Variants in CTNNA3 observed in about 807,000 individuals in gnomAD.
The protein encoded by CTNNA3 is catenin alpha 3.
Under a neutral mutation model 95.7 loss-of-function variants are expected in CTNNA3, and 76 were observed. That is an observed-to-expected ratio of 0.79 (90% confidence interval 0.66 to 0.96). The LOEUF is 0.96. CTNNA3 is among the 40% of genes least tolerant of loss of function. The pLI, the probability that CTNNA3 is intolerant of heterozygous loss-of-function variation, is 0.00. For missense variants in CTNNA3, 1,191 were observed against 1,089.8 expected (o/e 1.09, Z -1.31); for synonymous variants, 431 against 374.4 (o/e 1.15, Z -1.74).
rs371118676 is a variant in CTNNA3 at position 66,298,748 on chromosome 10, C to G, written c.1733-18127G>C. 3.8e-4 allele frequency among the ~76,000 whole-genome samples: 58 copies of G among 152,212 alleles called. No individual in the cohort carries two copies. The South Asian group carries it at 0.012, about 31-fold the overall frequency. On this transcript the variant is annotated intron_variant, in intron 12 of 17. Transcript: ENST00000433211. ...GTCAGCCAAAAAGATTGTCTTTCCT[C>G]GGATTTTGAATCTTGAGCTAGTGAA...
chr10:67,499,204 T>A (rs1284448947), intron 5 of CTNNA3, among the ~76,000 whole-genome samples: 1 of 152,214 alleles, frequency 6.6e-6, no homozygotes, highest in Non-Finnish European at 1.5e-5. Context: ...ATGGGTTTTG[T>A]CGTTGGTTCT....
chr10:66,028,127 G>A (rs10740219), intron 15 of CTNNA3, among the ~76,000 whole-genome samples: 117,451 of 152,048 alleles, frequency 0.77, 45,694 homozygotes, highest in South Asian at 0.9. Context: ...GGAAAAATCA[G>A]TTTTTTAAAA....
At chr10:66,026,407 T>C (rs144753132) in intron 15 of CTNNA3, among the ~76,000 whole-genome samples, 61 of 152,284 alleles carry the variant, frequency 4.0e-4, no homozygotes, top group African/African-American at 1.4e-3. Context: ...CGGTTTAGTC[T>C]CGATTGTTCT....
intron 11 of CTNNA3, among the ~76,000 whole-genome samples, chr10:66,409,687 T>G (rs980243738): frequency 6.6e-6 from 1 of 152,192 alleles, no homozygotes; most frequent in African/African-American, 2.4e-5. Flanking sequence ...CTGAAATTAC[T>G]AAAGAGACAT....
chr10:66,173,608 G>C (rs951734638), intron 13 of CTNNA3, among the ~76,000 whole-genome samples: 1 of 151,894 alleles, frequency 6.6e-6, no homozygotes, highest in Non-Finnish European at 1.5e-5. Context: ...ACTTGAGCCT[G>C]GGAGGTAGAG....
intron 15 of CTNNA3, among the ~76,000 whole-genome samples, chr10:66,033,472 T>A (rs917614474): frequency 7.9e-5 from 12 of 151,892 alleles, no homozygotes; most frequent in African/African-American, 2.9e-4. Flanking sequence ...ACCTTTTTTT[T>A]AAAATGCATA....
At chr10:67,006,329 T>C (rs2133013762) in intron 7 of CTNNA3, among the ~76,000 whole-genome samples, 1 of 152,310 alleles carries the variant, frequency 6.6e-6, no homozygotes, top group African/African-American at 2.4e-5. Context: ...TTAAAGTATC[T>C]GTCTTACCAA....
At chr10:66,303,527 T>G (rs1362169828) in intron 12 of CTNNA3, among the ~76,000 whole-genome samples, 1 of 152,122 alleles carries the variant, frequency 6.6e-6, no homozygotes, top group Non-Finnish European at 1.5e-5. Flanking sequence ...CAATTATTAT[T>G]AAAAAGTTTT....
chr10:66,823,216 A>C (rs1842362684), intron 7 of CTNNA3, among the ~76,000 whole-genome samples: 1 of 152,208 alleles, frequency 6.6e-6, no homozygotes, highest in African/African-American at 2.4e-5. Flanking sequence ...ACTCTGAGAG[A>C]ATGCCAATGG....
intron 11 of CTNNA3, among the ~76,000 whole-genome samples, chr10:66,492,643 G>C (rs1839963649): frequency 6.6e-6 from 1 of 151,986 alleles, no homozygotes; most frequent in African/African-American, 2.4e-5. Context: ...CATTTCTCCA[G>C]CACCATTGTT....
intron 10 of CTNNA3, among the ~76,000 whole-genome samples, chr10:66,585,210 TATATTTGG>T (rs1313494739): frequency 6.6e-6 from 1 of 152,050 alleles, no homozygotes; most frequent in Non-Finnish European, 1.5e-5. Flanking sequence ...TTGACCTTCT[TATATTTGG>T]ATATCTATGT....
intron 3 of CTNNA3, among the ~76,000 whole-genome samples, chr10:67,577,716 G>GTT (rs1842217016): frequency 1.3e-5 from 2 of 150,744 alleles, no homozygotes; most frequent in Non-Finnish European, 2.9e-5. Context: ...GTGTGTGTGT[G>GTT]TGTGTGTATA....
chr10:67,400,705 T>C (rs1389995197), intron 5 of CTNNA3, among the ~76,000 whole-genome samples: 1 of 152,202 alleles, frequency 6.6e-6, no homozygotes, highest in East Asian at 1.9e-4. Flanking sequence ...CAATTGCTAT[T>C]GGCAGTTATT....
chr10:67,296,999 T>C (rs1485613976), intron 5 of CTNNA3, among the ~76,000 whole-genome samples: 3 of 119,794 alleles, frequency 2.5e-5, no homozygotes, highest in African/African-American at 1.0e-4. Flanking sequence ...GCAAATTAAA[T>C]AGTCAGCAAC....
At chr10:67,331,488 T>C (rs915833892) in intron 5 of CTNNA3, among the ~76,000 whole-genome samples, 14 of 149,304 alleles carry the variant, frequency 9.4e-5, no homozygotes, top group African/African-American at 2.7e-4. Context: ...CATAGTATTG[T>C]GAGAATCAAC....
At chr10:66,498,537 C>T (rs975192869) in intron 11 of CTNNA3, among the ~76,000 whole-genome samples, 2 of 152,134 alleles carry the variant, frequency 1.3e-5, no homozygotes, top group African/African-American at 4.8e-5. Context: ...ATAAATCCCA[C>T]ATTTCGTATC....
intron 5 of CTNNA3, among the ~76,000 whole-genome samples, chr10:67,311,500 G>A (rs1042434502): frequency 5.9e-5 from 9 of 152,160 alleles, no homozygotes; most frequent in Non-Finnish European, 1.3e-4. Flanking sequence ...CTATAAAAAG[G>A]CAGACAGAAA....
intron 9 of CTNNA3, among the ~76,000 whole-genome samples, chr10:66,758,359 C>T (rs1445914973): frequency 6.6e-6 from 1 of 152,150 alleles, no homozygotes; most frequent in Admixed American, 6.5e-5. Flanking sequence ...CTTTAACCAG[C>T]AGGGTTCAGT....
At chr10:66,583,327 TTG>T (rs372407610) in intron 10 of CTNNA3, among the ~76,000 whole-genome samples, 2 of 151,132 alleles carry the variant, frequency 1.3e-5, no homozygotes, top group Non-Finnish European at 3.0e-5. Context: ...GTTGTTGTTG[TTG>T]TTTTTCTAAA....
Sources: allele counts gnomAD v4.1 joint callset (sites outside exome capture counted in the v4.1 genomes callset), GRCh38; gene constraint gnomAD v4.1.1; transcripts MANE v1.5; gene names NCBI Gene and HGNC (gene_info 2026-07-23, HGNC 2026-07-21).